The following RGPD2 variants were observed in gnomAD, a reference collection of about 807,000 sequenced individuals.
The protein encoded by RGPD2 is RANBP2 like and GRIP domain containing 2.
RGPD2 carries 2 observed loss-of-function variants against 36.0 expected under a neutral mutation model. That is an observed-to-expected ratio of 0.06 (90% CI 0.02 to 0.17). RGPD2 has a LOEUF of 0.17. Among genes scored for constraint, RGPD2 ranks in the 10% least tolerant of loss-of-function variants. RGPD2 has a pLI of 1.00. For missense variants in RGPD2, 40 were observed against 464.3 expected (o/e 0.09, Z 8.40); for synonymous variants, 19 against 163.8 (o/e 0.12, Z 6.75).
At chr2:87,758,913 T>C in intron 22 of RGPD2, 1 of 577,528 alleles carries the variant, frequency 1.7e-6, no homozygotes, top group East Asian at 3.2e-5. Context: ...TGTAAAATAA[T>C]TTGTTGTAAA....
chr2:87,840,537 T>A, the RGPD2 span, among the ~76,000 whole-genome samples: 386 of 150,732 alleles, frequency 2.6e-3, 2 homozygotes, highest in Middle Eastern at 6.8e-3. Flanking sequence ...GGATGTATTT[T>A]AAAAAAAAAA....
the RGPD2 span, among the ~76,000 whole-genome samples, chr2:87,967,543 T>A: frequency 6.7e-6 from 1 of 149,986 alleles, no homozygotes; most frequent in East Asian, 1.9e-4. Context: ...TAAGAATTTT[T>A]AAATATATCC....
chr2:87,825,553 G>GCCCAGGTCGAGGCCGCCGCCCGGC, intron 1 of RGPD2, 105 bp downstream of exon 1: 1 of 863,410 alleles, frequency 1.2e-6, no homozygotes, highest in Non-Finnish European at 1.3e-6. Flanking sequence ...CCGCCGCCCG[G>GCCCAGGTCGAGGCCGCCGCCCGGC]CCAGGTCGAG....
intron 22 of RGPD2, among the ~76,000 whole-genome samples, chr2:87,769,290 A>AG (rs1685045508): frequency 6.6e-6 from 1 of 151,928 alleles, no homozygotes; most frequent in African/African-American, 2.4e-5. Flanking sequence ...CTTAAAGAGA[A>AG]AATGTAAGGT....
the RGPD2 span, among the ~76,000 whole-genome samples, chr2:87,847,129 T>C: frequency 2.6e-5 from 4 of 152,228 alleles, no homozygotes; most frequent in African/African-American, 9.6e-5. Flanking sequence ...TTAGTATCTT[T>C]CCAGATTACC....
the RGPD2 span, among the ~76,000 whole-genome samples, chr2:87,960,127 C>T: frequency 6.7e-6 from 1 of 149,628 alleles, no homozygotes; most frequent in Admixed American, 6.7e-5. Flanking sequence ...GTGTTTGTCT[C>T]CCTCACAGAT....
intron 6 of RGPD2, among the ~76,000 whole-genome samples, chr2:87,809,783 T>C (rs531073200): frequency 1.2e-3 from 181 of 150,790 alleles, no homozygotes; most frequent in African/African-American, 4.1e-3. Flanking sequence ...CTCCCCTGAG[T>C]GACTCCATCC....
the RGPD2 span, among the ~76,000 whole-genome samples, chr2:87,959,071 G>T: frequency 4.3e-5 from 1 of 23,064 alleles, no homozygotes; most frequent in African/African-American, 8.0e-5. Context: ...TTTTAAGCAT[G>T]TCTTCTAGTG....
the RGPD2 span, among the ~76,000 whole-genome samples, chr2:87,866,499 C>A: frequency 3.3e-5 from 5 of 152,038 alleles, no homozygotes; most frequent in Non-Finnish European, 5.9e-5. Flanking sequence ...TTACAAACTG[C>A]AGAAATGTTA....
chr2:87,932,713 T>G, the RGPD2 span, among the ~76,000 whole-genome samples: 1 of 151,962 alleles, frequency 6.6e-6, no homozygotes, highest in Non-Finnish European at 1.5e-5. Flanking sequence ...ATTACGAAAC[T>G]TAGTTTGGCC....
At chr2:87,849,089 T>G in the RGPD2 span, among the ~76,000 whole-genome samples, 2 of 152,064 alleles carry the variant, frequency 1.3e-5, no homozygotes, top group Non-Finnish European at 2.9e-5. Flanking sequence ...ACAAAATATT[T>G]AATGCCAAAA....
At chr2:87,930,797 G>T in the RGPD2 span, among the ~76,000 whole-genome samples, 1 of 145,266 alleles carries the variant, frequency 6.9e-6, no homozygotes, top group Non-Finnish European at 1.5e-5. Flanking sequence ...TCTTGAAAGG[G>T]TGTTATTTGT....
chr2:87,914,847 G>C, the RGPD2 span, among the ~76,000 whole-genome samples: 1 of 151,994 alleles, frequency 6.6e-6, no homozygotes, highest in East Asian at 1.9e-4. Context: ...CAAACACCCA[G>C]AGAAGTCCTG....
At chr2:87,927,673 A>G in the RGPD2 span, among the ~76,000 whole-genome samples, 1 of 151,484 alleles carries the variant, frequency 6.6e-6, no homozygotes, top group African/African-American at 2.4e-5. Flanking sequence ...TTATAGTATC[A>G]TGTCTTTTTT....
the RGPD2 span, among the ~76,000 whole-genome samples, chr2:87,911,568 A>G: frequency 6.6e-6 from 1 of 152,022 alleles, no homozygotes; most frequent in Non-Finnish European, 1.5e-5. Flanking sequence ...ACTATTAGTC[A>G]ATGTAATTTT....
chr2:87,972,745 A>C, the RGPD2 span: 3 of 1,610,998 alleles, frequency 1.9e-6, no homozygotes, highest in Non-Finnish European at 2.5e-6. Flanking sequence ...TGTGCCCAGG[A>C]GTGAACAACC....
At chr2:87,896,754 T>C in the RGPD2 span, among the ~76,000 whole-genome samples, 3 of 107,436 alleles carry the variant, frequency 2.8e-5, no homozygotes, top group African/African-American at 1.1e-4. Context: ...AAGCATTTAT[T>C]AGCATTTATC....
chr2:87,824,550 G>A (rs934024837), intron 1 of RGPD2, among the ~76,000 whole-genome samples: 2 of 151,580 alleles, frequency 1.3e-5, no homozygotes, highest in African/African-American at 4.8e-5. Context: ...ACCCTGTTTT[G>A]TCATTTCACT....
chr2:87,974,574 A>G, the RGPD2 span, among the ~76,000 whole-genome samples: 6 of 152,146 alleles, frequency 3.9e-5, no homozygotes, highest in Non-Finnish European at 7.3e-5. Flanking sequence ...GAGTGGTATC[A>G]TTCATTTCAA....
Sources: gnomAD v4.1 joint callset for allele counts (sites outside exome capture counted in the v4.1 genomes callset) on GRCh38, gnomAD v4.1.1 for gene constraint, MANE v1.5 for transcripts, NCBI Gene and HGNC (gene_info 2026-07-23, HGNC 2026-07-21) for gene names.